GRIP1: variants seen among roughly 807,000 people sequenced by gnomAD.
GRIP1 encodes glutamate receptor interacting protein 1, also known as glutamate receptor-interacting protein 1.
GRIP1 carries 45 observed loss-of-function variants against 129.9 expected under a neutral mutation model. The ratio of observed to expected loss-of-function variants is 0.35; its 90% confidence interval spans 0.27 to 0.44. GRIP1 has a LOEUF of 0.44. GRIP1 is among the 20% of genes least tolerant of loss of function. The pLI, the probability that GRIP1 is intolerant of heterozygous loss-of-function variation, is 1.00. For missense variants in GRIP1, 1,196 were observed against 1,396.8 expected, an observed-to-expected ratio of 0.86 and a Z score of 2.29; for synonymous variants, 530 against 520.8, an observed-to-expected ratio of 1.02 and a Z score of -0.24.
intron 1 of GRIP1, among the ~76,000 whole-genome samples, chr12:66,612,844 A>G (rs994985337): frequency 6.6e-6 from 1 of 152,122 alleles, no homozygotes; most frequent in African/African-American, 2.4e-5. Context: ...AATTTGATAA[A>G]CATTAATCGA....
intron 1 of GRIP1, among the ~76,000 whole-genome samples, chr12:66,643,723 C>A (rs1056898686): frequency 6.6e-6 from 1 of 152,052 alleles, no homozygotes; most frequent in Non-Finnish European, 1.5e-5. Context: ...ACCACCATGC[C>A]CAGCTAATTT....
intron 1 of GRIP1, among the ~76,000 whole-genome samples, chr12:67,041,455 TTTA>T (rs1238372710): frequency 2.6e-5 from 4 of 152,086 alleles, no homozygotes; most frequent in Admixed American, 1.3e-4. Context: ...TACAGTTACT[TTTA>T]TTATTATTTA....
chr12:66,864,770 C>T (rs1236801060), intron 1 of GRIP1, among the ~76,000 whole-genome samples: 2 of 152,030 alleles, frequency 1.3e-5, no homozygotes, highest in South Asian at 4.2e-4. Flanking sequence ...TATCAAACTC[C>T]CTGTTACTCT....
intron 2 of GRIP1, among the ~76,000 whole-genome samples, chr12:66,564,345 T>C (rs1418734628): frequency 6.8e-6 from 1 of 146,106 alleles, no homozygotes; most frequent in East Asian, 2.1e-4. Flanking sequence ...TCTCATTGTT[T>C]AGTTCCCACC....
intron 1 of GRIP1, among the ~76,000 whole-genome samples, chr12:66,949,438 T>C (rs1385326851): frequency 1.3e-5 from 2 of 152,226 alleles, no homozygotes; most frequent in Non-Finnish European, 2.9e-5. Context: ...ATAGCCTGCA[T>C]GATGTGAATA....
intron 19 of GRIP1, among the ~76,000 whole-genome samples, chr12:66,382,721 C>T (rs555743759): frequency 2.6e-5 from 4 of 152,148 alleles, no homozygotes; most frequent in African/African-American, 9.7e-5. Flanking sequence ...GTATCAGATA[C>T]TATATATCAG....
At chr12:66,655,606 CTT>C (rs1173143521) in intron 1 of GRIP1, among the ~76,000 whole-genome samples, 125 of 118,014 alleles carry the variant, frequency 1.1e-3, no homozygotes, top group Middle Eastern at 4.9e-3. Flanking sequence ...TTTTTTTGTA[CTT>C]TTTTTTTTTT....
chr12:66,691,496 C>G lies in GRIP1; in HGVS notation c.-419-61160G>C, dbSNP rs147139980. ...ACATATACTTTTCCAAAGTTAGATC[C>G]ATCAACTTTTACCTTTCTTGTTATA... On this transcript the variant is annotated intron_variant, in intron 1 of 4. Transcript: ENST00000538373. Among the ~76,000 whole-genome samples, 76 of 152,176 alleles carry G rather than the reference C, an allele frequency of 5.0e-4. No homozygotes were observed. The East Asian group carries it at 0.013, about 26-fold the overall frequency.
intron 13 of GRIP1, among the ~76,000 whole-genome samples, chr12:66,433,398 T>C (rs1431000155): frequency 6.6e-6 from 1 of 152,132 alleles, no homozygotes; most frequent in African/African-American, 2.4e-5. Flanking sequence ...TTCTGTATAA[T>C]GAGGAGCTTT....
At chr12:66,653,809 A>G (rs2032968018) in intron 1 of GRIP1, among the ~76,000 whole-genome samples, 1 of 152,198 alleles carries the variant, frequency 6.6e-6, no homozygotes, top group Non-Finnish European at 1.5e-5. Context: ...ACTCAAAAAC[A>G]AGATTTATAC....
intron 1 of GRIP1, among the ~76,000 whole-genome samples, chr12:67,014,901 T>C (rs2135725596): frequency 6.6e-6 from 1 of 152,332 alleles, no homozygotes; most frequent in Admixed American, 6.5e-5. Context: ...AAACCACTTT[T>C]AGTGTGTTTA....
chr12:66,832,582 T>C (rs12582121), intron 1 of GRIP1, among the ~76,000 whole-genome samples: 40,882 of 152,084 alleles, frequency 0.27, 6,306 homozygotes, highest in Non-Finnish European at 0.35. Context: ...AGTGATTTAC[T>C]ACAGAGTGAT....
chr12:66,958,556 GTA>G (rs2041876911), intron 1 of GRIP1, among the ~76,000 whole-genome samples: 1 of 152,164 alleles, frequency 6.6e-6, no homozygotes, highest in African/African-American at 2.4e-5. Flanking sequence ...TTGGAGAATG[GTA>G]TTAGGAACCA....
chr12:66,765,005 T>C lies in GRIP1; in HGVS notation c.-420+39048A>G, dbSNP rs192926399. Among the ~76,000 whole-genome samples the C allele has an allele frequency of 1.5e-3, 224 of 152,340 alleles. 1 individual carries two copies. The highest frequency in any genetic ancestry group is 0.011 in the Admixed American group (165 of 15,302). Reference sequence around the variant, plus strand: ...GAAGTAGGCTCTATTATTATCCTTATTGGATAGATAAGAAAGTTTAGGTAT... The same window carrying C: ...GAAGTAGGCTCTATTATTATCCTTACTGGATAGATAAGAAAGTTTAGGTAT... On this transcript the variant is annotated intron_variant, in intron 1 of 4. Coordinates refer to the GRIP1 transcript ENST00000538373.
chr12:66,456,554 CA>C (rs1402892877), intron 9 of GRIP1, among the ~76,000 whole-genome samples: 1 of 151,914 alleles, frequency 6.6e-6, no homozygotes, highest in Non-Finnish European at 1.5e-5. Flanking sequence ...TTCATCTTCC[CA>C]AGAATAATGC....
chr12:66,500,125 T>C (rs2060350737), intron 7 of GRIP1, among the ~76,000 whole-genome samples: 1 of 152,178 alleles, frequency 6.6e-6, no homozygotes, highest in African/African-American at 2.4e-5. Flanking sequence ...GATTTCAAAA[T>C]TTTCTATATG....
chr12:67,058,872 A>T (rs1021419274), intron 1 of GRIP1, among the ~76,000 whole-genome samples: 3 of 152,198 alleles, frequency 2.0e-5, no homozygotes, highest in Admixed American at 2.0e-4. Flanking sequence ...ACCACTTCAG[A>T]TAGGGAACAG....
intron 15 of GRIP1, among the ~76,000 whole-genome samples, chr12:66,415,496 A>G (rs1169825766): frequency 6.6e-6 from 1 of 152,288 alleles, no homozygotes; most frequent in South Asian, 2.1e-4. Context: ...TTCAACCATT[A>G]TGAAAGACAG....
intron 1 of GRIP1, among the ~76,000 whole-genome samples, chr12:66,732,722 T>C (rs1451480438): frequency 6.6e-6 from 1 of 152,162 alleles, no homozygotes; most frequent in African/African-American, 2.4e-5. Flanking sequence ...ATCAACTGAC[T>C]ATTGATGTTA....
Sources: gnomAD v4.1 joint callset for allele counts (sites outside exome capture counted in the v4.1 genomes callset) on GRCh38, gnomAD v4.1.1 for gene constraint, MANE v1.5 for transcripts, NCBI Gene and HGNC (gene_info 2026-07-23, HGNC 2026-07-21) for gene names.